CTNNA3: variants seen among roughly 807,000 people sequenced by gnomAD.
CTNNA3 encodes the protein catenin alpha-3.
Under a neutral mutation model 95.7 loss-of-function variants are expected in CTNNA3, and 76 were observed. The observed-to-expected ratio is 0.79, with a 90% CI of 0.66 to 0.96. CTNNA3 has a LOEUF of 0.96. Ranked by LOEUF, CTNNA3 falls within the 40% of genes least tolerant of loss-of-function variation. The pLI is 0.00. For synonymous variants in CTNNA3, 431 were observed against 374.4 expected, an observed-to-expected ratio of 1.15 and a Z score of -1.74; for missense variants, 1,191 against 1,089.8, an observed-to-expected ratio of 1.09 and a Z score of -1.31.
intron 2 of CTNNA3, among the ~76,000 whole-genome samples, chr10:67,611,281 A>G (rs958930641): frequency 6.6e-6 from 1 of 152,116 alleles, no homozygotes; most frequent in African/African-American, 2.4e-5. Context: ...ATAGAGCCAC[A>G]CTGGCACACA....
chr10:67,726,321 A>T (rs1273676187), intron 1 of CTNNA3, among the ~76,000 whole-genome samples: 12 of 53,562 alleles, frequency 2.2e-4, no homozygotes, highest in Non-Finnish European at 2.9e-4. Context: ...TATTATATAT[A>T]TTATCTTACA....
At chr10:66,800,881 A>G (rs1419723705) in intron 7 of CTNNA3, among the ~76,000 whole-genome samples, 1 of 151,390 alleles carries the variant, frequency 6.6e-6, no homozygotes, top group African/African-American at 2.4e-5. Flanking sequence ...AGAAAACTTG[A>G]CAAAAATGGC....
chr10:67,578,996 G>GATATAT (rs533690910), intron 3 of CTNNA3, among the ~76,000 whole-genome samples: 69 of 87,260 alleles, frequency 7.9e-4, no homozygotes, highest in African/African-American at 1.0e-3. Flanking sequence ...TGATCATAGT[G>GATATAT]ATATATATAT....
intron 12 of CTNNA3, among the ~76,000 whole-genome samples, chr10:66,351,395 G>T (rs1403209668): frequency 6.6e-6 from 1 of 152,036 alleles, no homozygotes; most frequent in Non-Finnish European, 1.5e-5. Context: ...TCAGAATAAA[G>T]TTGGGATTTG....
Position 65,918,107 on chromosome 10 carries a change from A to G in CTNNA3, c.*2223T>C, listed in dbSNP as rs2077029656. ...GGGTTAAAGAGGAGAACTTGTTCAC[A>G]TCTCACTTTGGGTAAAAAGTCATTT... On this transcript the variant is annotated 3_prime_UTR_variant, in exon 18 of 18. Coordinates refer to ENST00000433211, the MANE Select transcript of CTNNA3 (RefSeq NM_013266.4). 6.6e-6 allele frequency: 1 copy of G among 152,208 alleles called. No individual in the cohort carries two copies. The highest frequency in any genetic ancestry group is 2.4e-5 in the African/African-American group (1 of 41,462). The allele number at this position is 152,208 out of a possible 1,614,324, so 9.4% of individuals were successfully genotyped here. A position where few individuals can be genotyped will look rare whatever the true frequency, so the allele number is the denominator to read the frequency against.
At chr10:66,666,382 C>T (rs1846451376) in intron 9 of CTNNA3, among the ~76,000 whole-genome samples, 4 of 152,178 alleles carry the variant, frequency 2.6e-5, no homozygotes, top group Admixed American at 2.6e-4. Context: ...AGTAACAAAA[C>T]TCCTAATGAA....
At chr10:67,580,489 C>T (rs12263505) in intron 3 of CTNNA3, among the ~76,000 whole-genome samples, 2,317 of 151,032 alleles carry the variant, frequency 0.015, 66 homozygotes, top group African/African-American at 0.054. Context: ...AGTCAGGTAG[C>T]ATGATGCCTC....
intron 7 of CTNNA3, among the ~76,000 whole-genome samples, chr10:66,979,820 T>C (rs972353147): frequency 4.6e-5 from 7 of 152,190 alleles, no homozygotes; most frequent in Admixed American, 4.6e-4. Context: ...AAAAGGTCCT[T>C]TGAAAGAACT....
intron 15 of CTNNA3, among the ~76,000 whole-genome samples, chr10:66,051,473 A>T (rs1215574817): frequency 1.3e-5 from 2 of 152,208 alleles, no homozygotes; most frequent in Non-Finnish European, 2.9e-5. Context: ...GTATCTGCTT[A>T]AACTGAAAAG....
At chr10:66,695,070 T>C (rs1847706416) in intron 9 of CTNNA3, among the ~76,000 whole-genome samples, 1 of 152,218 alleles carries the variant, frequency 6.6e-6, no homozygotes, top group Non-Finnish European at 1.5e-5. Context: ...CCTAAAGGAA[T>C]TGACCACTTT....
intron 7 of CTNNA3, among the ~76,000 whole-genome samples, chr10:66,997,233 C>T (rs554468999): frequency 1.3e-5 from 2 of 152,240 alleles, no homozygotes; most frequent in South Asian, 4.1e-4. Context: ...ACTCACATAT[C>T]CTATTCATAG....
intron 9 of CTNNA3, among the ~76,000 whole-genome samples, chr10:66,718,924 A>G (rs919474784): frequency 2.0e-5 from 3 of 152,156 alleles, no homozygotes; most frequent in Non-Finnish European, 4.4e-5. Context: ...CACATTTACC[A>G]CTAAAGTAAC....
intron 5 of CTNNA3, among the ~76,000 whole-genome samples, chr10:67,434,397 G>A (rs1589286022): frequency 6.6e-6 from 1 of 152,054 alleles, no homozygotes; most frequent in East Asian, 1.9e-4. Flanking sequence ...AGTACTTAAA[G>A]TATGGGTGCT....
intron 7 of CTNNA3, among the ~76,000 whole-genome samples, chr10:66,818,819 T>C (rs775099996): frequency 2.0e-5 from 3 of 151,946 alleles, no homozygotes; most frequent in Non-Finnish European, 2.9e-5. Flanking sequence ...AGAAAAAAGT[T>C]AGGCTCACCA....
chr10:66,083,764 G>A (rs866733521), intron 14 of CTNNA3, among the ~76,000 whole-genome samples: 1 of 152,080 alleles, frequency 6.6e-6, no homozygotes. Flanking sequence ...AGTATAGGTA[G>A]CCAAGTCCTA....
intron 7 of CTNNA3, among the ~76,000 whole-genome samples, chr10:67,162,817 AT>A (rs1213605507): frequency 2.6e-5 from 4 of 152,008 alleles, no homozygotes; most frequent in African/African-American, 9.6e-5. Context: ...ACAAGGAAAT[AT>A]CCTACAGGCA....
intron 9 of CTNNA3, among the ~76,000 whole-genome samples, chr10:66,644,369 T>C (rs1413400627): frequency 6.8e-6 from 1 of 147,882 alleles, no homozygotes; most frequent in East Asian, 1.9e-4. Flanking sequence ...ATATAGTATA[T>C]TTTACATGTG....
intron 5 of CTNNA3, among the ~76,000 whole-genome samples, chr10:67,452,312 T>C (rs1391877515): frequency 1.3e-5 from 2 of 152,186 alleles, no homozygotes; most frequent in Admixed American, 6.5e-5. Flanking sequence ...CAAAATGTAT[T>C]ATGAGACTCA....
intron 6 of CTNNA3, among the ~76,000 whole-genome samples, chr10:67,200,105 A>G (rs1380022452): frequency 1.3e-5 from 2 of 152,186 alleles, no homozygotes; most frequent in South Asian, 2.1e-4. Context: ...ATATCACAAT[A>G]GCGAACAGGA....
Sources: gnomAD v4.1 joint callset for allele counts (sites outside exome capture counted in the v4.1 genomes callset) on GRCh38, gnomAD v4.1.1 for gene constraint, MANE v1.5 for transcripts, NCBI Gene and HGNC (gene_info 2026-07-23, HGNC 2026-07-21) for gene names.